The following IPO11 variants were observed in gnomAD, a reference collection of about 807,000 sequenced individuals.
IPO11 encodes the protein importin 11, also known as importin-11.
IPO11 carries 66 observed loss-of-function variants against 143.2 expected under a neutral mutation model. The ratio of observed to expected loss-of-function variants is 0.46; its 90% confidence interval spans 0.38 to 0.57. The LOEUF (loss-of-function observed/expected upper bound fraction) is 0.57. Ranked by LOEUF, IPO11 falls within the 20% of genes least tolerant of loss-of-function variation. The pLI is 0.00. For missense variants in IPO11, 1,026 were observed against 1,141.0 expected (o/e 0.90, Z 1.45); for synonymous variants, 385 against 377.8 (o/e 1.02, Z -0.22).
chr5:62,480,906 A>ATTTTTTTT (rs34947365), intron 9 of IPO11, among the ~76,000 whole-genome samples: 2 of 84,974 alleles, frequency 2.4e-5, no homozygotes, highest in Non-Finnish European at 4.6e-5. Context: ...TTCCTCTTTC[A>ATTTTTTTT]TTTTTTTTTT....
intron 22 of IPO11, among the ~76,000 whole-genome samples, chr5:62,533,100 A>G (rs1176216821): frequency 6.6e-6 from 1 of 152,038 alleles, no homozygotes; most frequent in South Asian, 2.1e-4. Flanking sequence ...AAGAAATTCT[A>G]TTTACAAATT....
chr5:62,562,669 C>A (rs189305798), intron 27 of IPO11, among the ~76,000 whole-genome samples: 3 of 152,220 alleles, frequency 2.0e-5, no homozygotes, highest in African/African-American at 7.2e-5. Context: ...GGTTGTGGAA[C>A]CCTATCTTAG....
intron 16 of IPO11, among the ~76,000 whole-genome samples, chr5:62,497,382 T>C (rs1243021570): frequency 1.3e-5 from 2 of 152,226 alleles, no homozygotes; most frequent in Non-Finnish European, 1.5e-5. Flanking sequence ...AAATGAAATA[T>C]TACAAATGCA....
intron 26 of IPO11, 128 bp from the exon 27 acceptor site, chr5:62,561,008 A>T: frequency 1.3e-6 from 1 of 750,220 alleles, no homozygotes. Flanking sequence ...CAGTTCAGGT[A>T]TTCCAGTTCT....
intron 1 of IPO11, among the ~76,000 whole-genome samples, chr5:62,434,109 C>T (rs997517141): frequency 6.6e-6 from 1 of 152,126 alleles, no homozygotes; most frequent in African/African-American, 2.4e-5. Context: ...CACTAAGTGT[C>T]AGTCATGTTG....
chr5:62,422,790 T>G (rs1346784068), intron 1 of IPO11, among the ~76,000 whole-genome samples: 2 of 152,202 alleles, frequency 1.3e-5, no homozygotes, highest in African/African-American at 4.8e-5. Flanking sequence ...CTTACATACT[T>G]TATACTTCAC....
At chr5:62,580,200 G>A in intron 27 of IPO11, 1 of 1,550,992 alleles carries the variant, frequency 6.4e-7, no homozygotes, top group East Asian at 2.4e-5. Context: ...TTGCCAATCT[G>A]GAATACCTCC....
At chr5:62,608,587 A>G (rs1745813053) in intron 29 of IPO11, among the ~76,000 whole-genome samples, 1 of 152,118 alleles carries the variant, frequency 6.6e-6, no homozygotes. Context: ...CCTCTATTAC[A>G]TGCTAGTCCT....
chr5:62,563,834 T>C (rs1173397766), intron 27 of IPO11, among the ~76,000 whole-genome samples: 2 of 152,186 alleles, frequency 1.3e-5, no homozygotes, highest in African/African-American at 4.8e-5. Context: ...ATGCTCAATC[T>C]ATCGTTGGCA....
chr5:62,491,353 T>TAAGGGCAAAA (rs1015136434), intron 15 of IPO11, among the ~76,000 whole-genome samples: 14 of 152,174 alleles, frequency 9.2e-5, no homozygotes, highest in African/African-American at 3.4e-4. Context: ...CGGTGTTAAA[T>TAAGGGCAAAA]AAAATAGACT....
intron 29 of IPO11, among the ~76,000 whole-genome samples, chr5:62,609,748 G>A (rs963846318): frequency 6.6e-6 from 1 of 152,200 alleles, no homozygotes; most frequent in African/African-American, 2.4e-5. Context: ...GAGGTGATGG[G>A]CACTTCATTA....
At chr5:62,551,994 G>A (rs563376827) in intron 26 of IPO11, among the ~76,000 whole-genome samples, 5 of 152,030 alleles carry the variant, frequency 3.3e-5, no homozygotes, top group Non-Finnish European at 7.4e-5. Context: ...CGCGGTTGCG[G>A]GCACCTGTAG....
chr5:62,621,863 G>A (rs754147047), intron 29 of IPO11, among the ~76,000 whole-genome samples: 2 of 151,784 alleles, frequency 1.3e-5, no homozygotes, highest in Non-Finnish European at 2.9e-5. Context: ...GGACAGTGGA[G>A]GAGTCAAACA....
At chr5:62,579,668 A>C in intron 27 of IPO11, 1 of 1,546,332 alleles carries the variant, frequency 6.5e-7, no homozygotes, top group East Asian at 2.4e-5. Context: ...TATATAAATG[A>C]AAGTGAATTA....
At chr5:62,425,544 C>T (rs1292440573) in intron 1 of IPO11, among the ~76,000 whole-genome samples, 3 of 152,116 alleles carry the variant, frequency 2.0e-5, no homozygotes, top group Non-Finnish European at 4.4e-5. Context: ...TCTCAAACTC[C>T]TGACCTCAGG....
At chr5:62,470,813 CTTCTTTT>C (rs1719579792) in intron 7 of IPO11, among the ~76,000 whole-genome samples, 4 of 76,280 alleles carry the variant, frequency 5.2e-5, no homozygotes, top group African/African-American at 2.1e-4. Context: ...AGATAGCCAT[CTTCTTTT>C]TTTTTTTTTT....
At chr5:62,580,066 T>C in intron 27 of IPO11, 1 of 1,551,164 alleles carries the variant, frequency 6.4e-7, no homozygotes, top group Non-Finnish European at 8.7e-7. Flanking sequence ...TGCTTGTTTG[T>C]ATTTAGGAAG....
chr5:62,604,030 G>A (rs1362241045), intron 29 of IPO11, among the ~76,000 whole-genome samples: 1 of 152,188 alleles, frequency 6.6e-6, no homozygotes, highest in Non-Finnish European at 1.5e-5. Context: ...GTTATACCAT[G>A]TAGCCTAGGT....
At chr5:62,494,161 A>G (rs1561333950) in intron 16 of IPO11, 37 bp downstream of exon 16, 1 of 1,573,586 alleles carries the variant, frequency 6.4e-7, no homozygotes, top group Admixed American at 1.8e-5. Context: ...GTTAGTTTTT[A>G]AAGTTTCATC....
Sources: gnomAD v4.1 joint callset for allele counts (sites outside exome capture counted in the v4.1 genomes callset) on GRCh38, gnomAD v4.1.1 for gene constraint, MANE v1.5 for transcripts, NCBI Gene and HGNC (gene_info 2026-07-23, HGNC 2026-07-21) for gene names.